GAP43: variants seen among roughly 807,000 people sequenced by gnomAD.
GAP43 encodes the protein growth associated protein 43, also known as neuromodulin.
In GAP43, 6 loss-of-function variants were observed where a neutral mutation model predicts 18.6. That is an observed-to-expected ratio of 0.32 (90% CI 0.18 to 0.64). GAP43 has a LOEUF of 0.64. Ranked by LOEUF, GAP43 falls within the 30% of genes least tolerant of loss-of-function variation. GAP43 has a pLI of 0.78. For missense variants in GAP43, 292 were observed against 295.5 expected, an observed-to-expected ratio of 0.99 and a Z score of 0.09; for synonymous variants, 115 against 111.4, an observed-to-expected ratio of 1.03 and a Z score of -0.20.
intron 1 of GAP43, 36 bp downstream of exon 1, chr3:115,623,755 A>G: frequency 1.2e-6 from 2 of 1,612,410 alleles, no homozygotes; most frequent in Non-Finnish European, 8.5e-7. Context: ...TGCTGTTGTG[A>G]AATAACCCGA....
At chr3:115,655,466 G>C (rs1708569361) in intron 1 of GAP43, among the ~76,000 whole-genome samples, 1 of 152,164 alleles carries the variant, frequency 6.6e-6, no homozygotes, top group African/African-American at 2.4e-5. Flanking sequence ...TATTGTATTA[G>C]AATAGCTATT....
At chr3:115,664,006 A>T (rs1347758681) in intron 1 of GAP43, 1 of 1,170,868 alleles carries the variant, frequency 8.5e-7, no homozygotes, top group East Asian at 2.6e-5. Flanking sequence ...TGAGCAAATT[A>T]CTTAATTACT....
intron 1 of GAP43, among the ~76,000 whole-genome samples, chr3:115,650,773 C>A (rs1023220280): frequency 2.0e-5 from 3 of 151,950 alleles, no homozygotes; most frequent in African/African-American, 7.3e-5. Context: ...ATACTCTAGT[C>A]TTTTCTTACT....
At chr3:115,695,965 G>A (rs768069094) in intron 2 of GAP43, among the ~76,000 whole-genome samples, 26 of 151,974 alleles carry the variant, frequency 1.7e-4, no homozygotes, top group Non-Finnish European at 3.2e-4. Context: ...AGTTTCATTT[G>A]CCCTTCCTTC....
intron 1 of GAP43, among the ~76,000 whole-genome samples, chr3:115,664,650 C>T (rs1050148152): frequency 5.9e-5 from 9 of 152,090 alleles, no homozygotes; most frequent in African/African-American, 1.9e-4. Flanking sequence ...GACAGATCAT[C>T]GAGAGAGAAT....
intron 2 of GAP43, among the ~76,000 whole-genome samples, chr3:115,683,518 C>A (rs935348401): frequency 6.6e-6 from 1 of 152,226 alleles, no homozygotes; most frequent in Admixed American, 6.5e-5. Context: ...ATTCATAATC[C>A]TCCTAACCCT....
At chr3:115,719,029 A>G (rs560395051) in intron 2 of GAP43, among the ~76,000 whole-genome samples, 1 of 152,294 alleles carries the variant, frequency 6.6e-6, no homozygotes, top group East Asian at 1.9e-4. Context: ...AAACTATTTT[A>G]TTTAGTATTC....
intron 2 of GAP43, among the ~76,000 whole-genome samples, chr3:115,690,807 G>A (rs28399400): frequency 1.6e-3 from 225 of 140,000 alleles, no homozygotes; most frequent in Middle Eastern, 8.9e-3. Context: ...CCAGGCTGGA[G>A]TGCAGTGGTG....
intron 1 of GAP43, among the ~76,000 whole-genome samples, chr3:115,675,491 G>A (rs1262260282): frequency 6.6e-6 from 1 of 152,132 alleles, no homozygotes; most frequent in Non-Finnish European, 1.5e-5. Flanking sequence ...GCCAGATGCG[G>A]TGGCTCACGC....
At chr3:115,633,066 G>A (rs370534340) in intron 1 of GAP43, among the ~76,000 whole-genome samples, 29 of 151,784 alleles carry the variant, frequency 1.9e-4, no homozygotes, top group African/African-American at 6.5e-4. Context: ...GTTGAACAAC[G>A]AAGCCTATGG....
At chr3:115,717,669 CTT>C (rs56359297) in intron 2 of GAP43, among the ~76,000 whole-genome samples, 3,240 of 135,598 alleles carry the variant, frequency 0.024, 108 homozygotes, top group African/African-American at 0.081. Context: ...AAGGATTTTG[CTT>C]TTTTTTTTTT....
intron 1 of GAP43, among the ~76,000 whole-genome samples, chr3:115,657,740 G>A (rs1034266546): frequency 6.6e-6 from 1 of 152,042 alleles, no homozygotes; most frequent in Admixed American, 6.6e-5. Context: ...AATATATTTT[G>A]TAGACACAAT....
rs540870067 is a variant in GAP43 at position 115,661,322 on chromosome 3, T to G, written c.31-14691T>G. On this transcript the variant is annotated intron_variant, in intron 1 of 2. Transcript: ENST00000305124. ...TGCATGTGACGCCTAGATTTAGCTG[T>G]AAGTGCCTTTGTGCAGCATCTGAGT... The G allele has an allele frequency of 6.6e-5, 10 of 152,304 alleles. No individual in the cohort carries two copies. In the East Asian group the frequency reaches 1.4e-3, roughly 21 times the overall value. The allele number at this position is 152,304 out of a possible 1,614,324, so 9.4% of individuals were successfully genotyped here. A position where few individuals can be genotyped will look rare whatever the true frequency, so the allele number is the denominator to read the frequency against.
At position 115,692,818 on chromosome 3, in the gene GAP43, T is replaced by A. The variant is rs111653995; in HGVS notation, c.628+16208T>A. On this transcript the variant is annotated intron_variant, in intron 2 of 2. Coordinates refer to ENST00000305124, the MANE Select transcript of GAP43 (RefSeq NM_002045.4). ...GTACACAAAGCACAATCCACACTTA[T>A]GAATTCAGTTCAAAGATATTAATAT... Among the ~76,000 whole-genome samples, 369 of 152,370 alleles carry A rather than the reference T, an allele frequency of 2.4e-3. 1 individual carries two copies. The highest frequency in any genetic ancestry group is 8.7e-3 in the African/African-American group (361 of 41,584).
intron 1 of GAP43, among the ~76,000 whole-genome samples, chr3:115,673,127 T>G (rs964418087): frequency 7.2e-5 from 11 of 152,178 alleles, no homozygotes; most frequent in Non-Finnish European, 1.5e-4. Flanking sequence ...CCTAGTCTAG[T>G]CTTAGCCTTT....
At chr3:115,682,317 G>C (rs1033562781) in intron 2 of GAP43, among the ~76,000 whole-genome samples, 2 of 152,108 alleles carry the variant, frequency 1.3e-5, no homozygotes, top group African/African-American at 4.8e-5. Context: ...ATGCCAGGAG[G>C]ATCTGAAAAC....
intron 2 of GAP43, among the ~76,000 whole-genome samples, chr3:115,682,788 C>T (rs776560322): frequency 7.9e-5 from 12 of 152,192 alleles, no homozygotes; most frequent in Non-Finnish European, 1.6e-4. Context: ...CCGCCTGCTT[C>T]AGCCTCGCTG....
intron 2 of GAP43, among the ~76,000 whole-genome samples, chr3:115,716,234 G>T (rs1456651668): frequency 6.6e-6 from 1 of 152,156 alleles, no homozygotes. Flanking sequence ...ATCTAGGGTT[G>T]ACATCAGTGG....
chr3:115,672,521 T>G (rs1469917357), intron 1 of GAP43, among the ~76,000 whole-genome samples: 1 of 152,192 alleles, frequency 6.6e-6, no homozygotes, highest in African/African-American at 2.4e-5. Context: ...ACCTGCAGTT[T>G]AAGGAATATT....
Sources: allele counts gnomAD v4.1 joint callset (sites outside exome capture counted in the v4.1 genomes callset), GRCh38; gene constraint gnomAD v4.1.1; transcripts MANE v1.5; gene names NCBI Gene and HGNC (gene_info 2026-07-23, HGNC 2026-07-21).